NOS1AP: variants seen among roughly 807,000 people sequenced by gnomAD.
NOS1AP encodes the protein nitric oxide synthase 1 adaptor protein, also known as carboxyl-terminal PDZ ligand of neuronal nitric oxide synthase protein.
NOS1AP carries 21 observed loss-of-function variants against 56.2 expected under a neutral mutation model. That is an observed-to-expected ratio of 0.37 (90% CI 0.26 to 0.54). The LOEUF (loss-of-function observed/expected upper bound fraction) is 0.54, where lower values mean the gene tolerates loss of function less well. Among genes scored for constraint, NOS1AP ranks in the 20% least tolerant of loss-of-function variants. The pLI is 0.84. For missense variants in NOS1AP, 522 were observed against 657.8 expected (o/e 0.79, Z 2.26); for synonymous variants, 270 against 274.6 (o/e 0.98, Z 0.17).
chr1:162,196,744 A>G (rs1557828873), intron 2 of NOS1AP, among the ~76,000 whole-genome samples: 1 of 152,382 alleles, frequency 6.6e-6, no homozygotes, highest in South Asian at 2.1e-4. Flanking sequence ...GCAGTATTCT[A>G]TTATAAATAT....
At chr1:162,302,668 G>A (rs991782415) in intron 4 of NOS1AP, among the ~76,000 whole-genome samples, 5 of 152,116 alleles carry the variant, frequency 3.3e-5, no homozygotes, top group Admixed American at 1.3e-4. Flanking sequence ...CTTCATTGAG[G>A]TATAATTGGC....
chr1:162,128,884 C>G (rs1297529680), intron 1 of NOS1AP, among the ~76,000 whole-genome samples: 2 of 152,178 alleles, frequency 1.3e-5, no homozygotes, highest in Non-Finnish European at 2.9e-5. Context: ...CCTGGGACTT[C>G]CCTGTTAGCC....
chr1:162,174,019 G>A (rs1650936282), intron 2 of NOS1AP, among the ~76,000 whole-genome samples: 1 of 152,168 alleles, frequency 6.6e-6, no homozygotes. Flanking sequence ...CAGGGATCTA[G>A]AACTAGAAAT....
At chr1:162,214,343 G>C (rs73017363) in intron 2 of NOS1AP, among the ~76,000 whole-genome samples, 8 of 152,042 alleles carry the variant, frequency 5.3e-5, no homozygotes, top group Non-Finnish European at 1.2e-4. Context: ...ACTATGCTGC[G>C]TGCCCGCCTC....
At chr1:162,143,663 T>C (rs1425518666) in intron 1 of NOS1AP, among the ~76,000 whole-genome samples, 4 of 152,112 alleles carry the variant, frequency 2.6e-5, no homozygotes. Flanking sequence ...GATCTTCCTA[T>C]GTTGCCTAGG....
chr1:162,202,740 G>A (rs1652036966), intron 2 of NOS1AP, among the ~76,000 whole-genome samples: 1 of 152,176 alleles, frequency 6.6e-6, no homozygotes, highest in African/African-American at 2.4e-5. Flanking sequence ...TAGTTTTACA[G>A]AAATGTTATA....
At chr1:162,310,900 C>G (rs1373575953) in intron 4 of NOS1AP, among the ~76,000 whole-genome samples, 1 of 151,826 alleles carries the variant, frequency 6.6e-6, no homozygotes, top group Non-Finnish European at 1.5e-5. Context: ...CTCTCTCTCT[C>G]TCTTCTGGAC....
intron 4 of NOS1AP, among the ~76,000 whole-genome samples, chr1:162,308,566 A>G (rs1486147881): frequency 6.6e-6 from 1 of 152,202 alleles, no homozygotes; most frequent in East Asian, 1.9e-4. Flanking sequence ...ACCACTGGAC[A>G]TCCTCATATC....
At chr1:162,218,706 G>A (rs1474326631) in intron 2 of NOS1AP, among the ~76,000 whole-genome samples, 1 of 152,136 alleles carries the variant, frequency 6.6e-6, no homozygotes, top group African/African-American at 2.4e-5. Flanking sequence ...TGCTATTGCT[G>A]GAATCCAGCC....
chr1:162,352,265 G>C (rs191646222), intron 6 of NOS1AP, among the ~76,000 whole-genome samples: 3 of 152,032 alleles, frequency 2.0e-5, no homozygotes, highest in African/African-American at 4.8e-5. Flanking sequence ...CACCATGTTG[G>C]CCAGGCTTGT....
intron 4 of NOS1AP, among the ~76,000 whole-genome samples, chr1:162,309,365 C>T (rs1324508373): frequency 6.6e-6 from 1 of 152,096 alleles, no homozygotes; most frequent in Admixed American, 6.5e-5. Flanking sequence ...ATTTTAAAAC[C>T]AGCTGAAGGG....
At chr1:162,218,469 A>G (rs948175686) in intron 2 of NOS1AP, among the ~76,000 whole-genome samples, 2 of 152,220 alleles carry the variant, frequency 1.3e-5, no homozygotes, top group Non-Finnish European at 2.9e-5. Context: ...TTTTATAATA[A>G]TGATAATAGG....
At chr1:162,134,361 T>C (rs1271738218) in intron 1 of NOS1AP, among the ~76,000 whole-genome samples, 1 of 151,284 alleles carries the variant, frequency 6.6e-6, no homozygotes, top group East Asian at 1.9e-4. Context: ...TGGAGGTGCA[T>C]ATGTAATTCC....
At chr1:162,122,320 T>G (rs10458392) in intron 1 of NOS1AP, among the ~76,000 whole-genome samples, 32,819 of 152,104 alleles carry the variant, frequency 0.22, 4,685 homozygotes, top group South Asian at 0.56. Context: ...AACTTCAATT[T>G]TTATTTCACA....
intron 1 of NOS1AP, among the ~76,000 whole-genome samples, chr1:162,154,007 A>G (rs4656355): frequency 0.45 from 67,721 of 150,356 alleles, 18,740 homozygotes; most frequent in Non-Finnish European, 0.62. Context: ...ATATTTGCCA[A>G]TCACTTTTGT....
chr1:162,356,730 A>C (rs1029198937), intron 7 of NOS1AP, among the ~76,000 whole-genome samples: 2 of 152,190 alleles, frequency 1.3e-5, no homozygotes, highest in Non-Finnish European at 2.9e-5. Flanking sequence ...TCAGTTACCG[A>C]GGTGTCCCCC....
chr1:162,250,234 ACAT>A (rs1653805286), intron 2 of NOS1AP, among the ~76,000 whole-genome samples: 2 of 152,206 alleles, frequency 1.3e-5, no homozygotes, highest in Admixed American at 6.5e-5. Flanking sequence ...GTTTATACAG[ACAT>A]CCTCCTCCAA....
At position 162,310,193 on chromosome 1, in the gene NOS1AP, G is replaced by A. The variant is rs142528768; in HGVS notation, c.344+9487G>A. The stretch of plus-strand genomic sequence containing the variant: ...CCGTTAGACTCTGGAAGGGGTCAAA[G>A]GCACAAAGGGTCATAAAAAAAATCA... On this transcript the variant is annotated intron_variant, in intron 4 of 9. Coordinates refer to ENST00000361897, the MANE Select transcript of NOS1AP (RefSeq NM_014697.3). Among the ~76,000 whole-genome samples the A allele has an allele frequency of 1.3e-3, 202 of 152,222 alleles. 1 individual carries two copies. The highest frequency in any genetic ancestry group is 6.8e-3 in the Middle Eastern group (2 of 294).
intron 4 of NOS1AP, among the ~76,000 whole-genome samples, chr1:162,302,366 G>A (rs978987583): frequency 6.6e-6 from 1 of 152,146 alleles, no homozygotes; most frequent in South Asian, 2.1e-4. Context: ...GTGATTCATC[G>A]AAGGGAACAA....
Sources: gnomAD v4.1 joint callset for allele counts (sites outside exome capture counted in the v4.1 genomes callset) on GRCh38, gnomAD v4.1.1 for gene constraint, MANE v1.5 for transcripts, NCBI Gene and HGNC (gene_info 2026-07-23, HGNC 2026-07-21) for gene names.